NLGN1: variants seen among roughly 807,000 people sequenced by gnomAD.
NLGN1 encodes neuroligin-1.
In NLGN1, 12 loss-of-function variants were observed where a neutral mutation model predicts 65.5. That is an observed-to-expected ratio of 0.18 (90% CI 0.12 to 0.30). The LOEUF (loss-of-function observed/expected upper bound fraction) is 0.30. Ranked by LOEUF, NLGN1 falls within the 10% of genes least tolerant of loss-of-function variation. The pLI is 1.00. For missense variants in NLGN1, 750 were observed against 1,007.1 expected, an observed-to-expected ratio of 0.74 and a Z score of 3.46; for synonymous variants, 350 against 359.5, an observed-to-expected ratio of 0.97 and a Z score of 0.30.
intron 2 of NLGN1, among the ~76,000 whole-genome samples, chr3:173,508,223 G>C (rs575284030): frequency 6.6e-6 from 1 of 152,204 alleles, no homozygotes; most frequent in East Asian, 1.9e-4. Context: ...CATAATGTTA[G>C]TGTTATGATT....
At chr3:173,893,400 CAATA>C (rs1225973291) in intron 4 of NLGN1, among the ~76,000 whole-genome samples, 1 of 152,094 alleles carries the variant, frequency 6.6e-6, no homozygotes, top group Admixed American at 6.6e-5. Context: ...GTTTTTTCAT[CAATA>C]AAATGGTTGT....
chr3:173,798,338 AT>A (rs1044505876), intron 3 of NLGN1, among the ~76,000 whole-genome samples: 6 of 152,136 alleles, frequency 3.9e-5, no homozygotes, highest in Admixed American at 6.5e-5. Context: ...AGAAATGTAT[AT>A]TTTTTTGCAG....
At chr3:174,047,025 G>T (rs1342163016) in intron 4 of NLGN1, among the ~76,000 whole-genome samples, 4 of 151,870 alleles carry the variant, frequency 2.6e-5, no homozygotes, top group African/African-American at 9.7e-5. Context: ...AGTTTTAAGA[G>T]AGTTTAAAAT....
intron 4 of NLGN1, among the ~76,000 whole-genome samples, chr3:174,059,897 C>T (rs2152516466): frequency 6.6e-6 from 1 of 152,278 alleles, no homozygotes; most frequent in African/African-American, 2.4e-5. Context: ...ATTTATTTCA[C>T]ACTCTGCATC....
chr3:173,627,005 C>T (rs1754923456), intron 3 of NLGN1, among the ~76,000 whole-genome samples: 1 of 151,980 alleles, frequency 6.6e-6, no homozygotes, highest in Non-Finnish European at 1.5e-5. Context: ...GACTAGGAAA[C>T]AAAAACATTT....
At chr3:173,984,828 C>T (rs1000842969) in intron 4 of NLGN1, among the ~76,000 whole-genome samples, 1 of 151,950 alleles carries the variant, frequency 6.6e-6, no homozygotes, top group Admixed American at 6.6e-5. Context: ...TGGATCACAA[C>T]GTCAGGAGTT....
At chr3:173,927,891 T>C (rs1451528651) in intron 4 of NLGN1, among the ~76,000 whole-genome samples, 1 of 152,106 alleles carries the variant, frequency 6.6e-6, no homozygotes, top group Non-Finnish European at 1.5e-5. Context: ...TCTTCAGTGA[T>C]AGGGAGAGGG....
intron 4 of NLGN1, among the ~76,000 whole-genome samples, chr3:173,946,773 A>G (rs544019400): frequency 1.1e-4 from 17 of 152,328 alleles, no homozygotes; most frequent in African/African-American, 3.8e-4. Flanking sequence ...ACCATTGCCA[A>G]TATGTCCATT....
At chr3:174,224,695 T>C (rs894941341) in intron 4 of NLGN1, among the ~76,000 whole-genome samples, 1 of 151,888 alleles carries the variant, frequency 6.6e-6, no homozygotes. Flanking sequence ...TGAGACTCGG[T>C]CTCAAAAAAA....
intron 4 of NLGN1, among the ~76,000 whole-genome samples, chr3:174,266,020 A>ATGTGTG (rs200553827): frequency 7.0e-6 from 1 of 142,116 alleles, no homozygotes; most frequent in African/African-American, 2.6e-5. Context: ...GTGCATATAT[A>ATGTGTG]TGTGTGTGTG....
intron 1 of NLGN1, among the ~76,000 whole-genome samples, chr3:173,403,820 G>T (rs1485143430): frequency 6.6e-6 from 1 of 152,076 alleles, no homozygotes; most frequent in African/African-American, 2.4e-5. Flanking sequence ...TTTAGAACAA[G>T]AAATGATGTA....
chr3:173,594,015 T>C (rs1749009623), intron 2 of NLGN1, among the ~76,000 whole-genome samples: 2 of 152,196 alleles, frequency 1.3e-5, no homozygotes, highest in African/African-American at 2.4e-5. Flanking sequence ...GTGGGAATTA[T>C]GAGAGTACAA....
At chr3:174,028,467 C>G (rs1466722571) in intron 4 of NLGN1, among the ~76,000 whole-genome samples, 1 of 152,118 alleles carries the variant, frequency 6.6e-6, no homozygotes, top group Non-Finnish European at 1.5e-5. Context: ...GCATTTTGCC[C>G]CTGCCCTAGA....
At chr3:174,275,738 T>C (rs1009740827) in intron 5 of NLGN1, among the ~76,000 whole-genome samples, 8 of 151,900 alleles carry the variant, frequency 5.3e-5, no homozygotes, top group Non-Finnish European at 1.2e-4. Flanking sequence ...AAGGATGCCC[T>C]TTCAAGCACA....
exon 7 of NLGN1, chr3:174,281,797 T>C (rs1751571058): frequency 6.5e-6 from 1 of 153,188 alleles, no homozygotes; most frequent in Admixed American, 6.5e-5. Flanking sequence ...TAGCAAAGGC[T>C]CATGCTGAAA....
At chr3:173,724,073 T>G (rs961968627) in intron 3 of NLGN1, among the ~76,000 whole-genome samples, 3 of 152,148 alleles carry the variant, frequency 2.0e-5, no homozygotes, top group African/African-American at 7.2e-5. Flanking sequence ...GAGTCTGCTA[T>G]TGGACATGAT....
At chr3:173,899,344 G>A (rs778653381) in intron 4 of NLGN1, among the ~76,000 whole-genome samples, 1 of 152,124 alleles carries the variant, frequency 6.6e-6, no homozygotes, top group Admixed American at 6.6e-5. Context: ...TGCATTAGTC[G>A]ACTATACTAA....
chr3:173,587,846 T>C (rs191702599), intron 2 of NLGN1, among the ~76,000 whole-genome samples: 1 of 152,330 alleles, frequency 6.6e-6, no homozygotes, highest in Non-Finnish European at 1.5e-5. Flanking sequence ...AAACCTTTTA[T>C]GTGTTGCAAC....
At chr3:174,260,137 A>G (rs182729827) in intron 4 of NLGN1, among the ~76,000 whole-genome samples, 40 of 151,896 alleles carry the variant, frequency 2.6e-4, no homozygotes, top group Non-Finnish European at 4.7e-4. Context: ...TAATGCCGCA[A>G]TAAACATACG....
Sources: allele counts gnomAD v4.1 joint callset (sites outside exome capture counted in the v4.1 genomes callset), GRCh38; gene constraint gnomAD v4.1.1; transcripts MANE v1.5; gene names NCBI Gene and HGNC (gene_info 2026-07-23, HGNC 2026-07-21).